The following DCLRE1A variants were observed in gnomAD, a reference collection of about 807,000 sequenced individuals.
DCLRE1A encodes the protein DNA cross-link repair 1A.
A neutral mutation model predicts 91.9 loss-of-function variants in DCLRE1A; 64 were observed. The ratio of observed to expected loss-of-function variants is 0.70; its 90% CI spans 0.57 to 0.86. The LOEUF (loss-of-function observed/expected upper bound fraction) is 0.86. DCLRE1A is among the 40% of genes least tolerant of loss of function. DCLRE1A has a pLI of 0.00. For synonymous variants in DCLRE1A, 416 were observed against 431.1 expected, an observed-to-expected ratio of 0.96 and a Z score of 0.43; for missense variants, 1,145 against 1,213.3, an observed-to-expected ratio of 0.94 and a Z score of 0.84.
chr10:113,852,572 C>A (rs530873756), intron 1 of DCLRE1A, 151 bp downstream of exon 1: 35 of 739,922 alleles, frequency 4.7e-5, no homozygotes, highest in African/African-American at 4.1e-4. Context: ...ATTTGCTTTA[C>A]AATTATACCG....
At chr10:113,848,191 C>T (rs1262456281) in intron 2 of DCLRE1A, among the ~76,000 whole-genome samples, 3 of 151,298 alleles carry the variant, frequency 2.0e-5, no homozygotes, top group Admixed American at 6.6e-5. Flanking sequence ...GTGGCGGGTG[C>T]CTGTAGTCCC....
rs749096753 is a variant in DCLRE1A at position 113,852,722 on chromosome 10, C to T, written c.460+1G>A. Reference sequence around the variant, plus strand: ...AACTACTACGTTTTCTGCAGTCTTACCTGTTTCAGAGCGTGGTGGAGAATC... The same window carrying T: ...AACTACTACGTTTTCTGCAGTCTTATCTGTTTCAGAGCGTGGTGGAGAATC... On this transcript the variant is annotated splice_donor_variant, in intron 1 of 8. Transcript: ENST00000361384. LOFTEE classifies it high-confidence loss of function. The T allele has an allele frequency of 6.2e-6, 10 of 1,611,644 alleles. No homozygotes were observed. In the South Asian group the frequency reaches 9.9e-5, roughly 16 times the overall value.
At chr10:113,836,340 G>A (rs892321308) in intron 8 of DCLRE1A, among the ~76,000 whole-genome samples, 1 of 151,862 alleles carries the variant, frequency 6.6e-6, no homozygotes, top group Non-Finnish European at 1.5e-5. Context: ...TCTTCCTTTA[G>A]ACACTTTACT....
chr10:113,840,605 C>CA (rs1286567524), intron 7 of DCLRE1A, among the ~76,000 whole-genome samples: 1 of 152,192 alleles, frequency 6.6e-6, no homozygotes, highest in Non-Finnish European at 1.5e-5. Flanking sequence ...TGATGGCTAA[C>CA]AGACAAGCAA....
intron 3 of DCLRE1A, among the ~76,000 whole-genome samples, chr10:113,846,846 C>T (rs1035232286): frequency 4.0e-5 from 6 of 151,802 alleles, no homozygotes; most frequent in African/African-American, 1.2e-4. Context: ...TGAATCTTTT[C>T]GGTTGCGGTT....
rs1845375246 is a variant in DCLRE1A at position 113,837,152 on chromosome 10, C to T, written c.2872G>A (p.Ala958Thr). The part of the protein sequence containing the change: ...KCGGKYNQIL[A>T]FRPTGWTHSN... Reference sequence around the variant, plus strand: ...TGTGTCCATCCTGTAGGTCGAAATGCCAAAATCTGATTGTATTTCCCACCA... The same window carrying T: ...TGTGTCCATCCTGTAGGTCGAAATGTCAAAATCTGATTGTATTTCCCACCA... The change falls in exon 8 of 9, where the codon GCA (alanine) becomes ACA (threonine). Residue 958 changes from alanine (A) to threonine (T), a missense_variant. Ala to Thr is a moderately conservative substitution (Grantham distance 58). Coordinates refer to ENST00000361384, the MANE Select transcript of DCLRE1A (RefSeq NM_014881.5). The T allele has an allele frequency of 6.2e-7, 1 of 1,613,140 alleles. No individual in the cohort carries two copies. Among genetic ancestry groups the T allele is most frequent in the South Asian group, 1.1e-5 (1 of 90,920 alleles).
Position 113,849,645 on chromosome 10 carries a change from C to T in DCLRE1A, c.1460G>A (p.Arg487Lys). ...LSSQPTQNTI[R>K]KLSSENLNAK... Reference sequence around the variant, plus strand: ...ATTCAAGTTCTCACTTGATAATTTTCTAATTGTATTTTGGGTTGGTTGGGA... The same window carrying T: ...ATTCAAGTTCTCACTTGATAATTTTTTAATTGTATTTTGGGTTGGTTGGGA... Residue 487 changes from arginine (R) to lysine (K), a missense_variant, in exon 2 of 9, where the codon AGA becomes AAA. Coordinates refer to ENST00000361384, the MANE Select transcript of DCLRE1A (RefSeq NM_014881.5). 1 of 1,614,152 alleles carries T rather than the reference C, an allele frequency of 6.2e-7. No individual in the cohort carries two copies. The highest frequency in any genetic ancestry group is 2.2e-5 in the East Asian group (1 of 44,880).
At chr10:113,837,539 GATA>G (rs1845382438) in intron 7 of DCLRE1A, among the ~76,000 whole-genome samples, 1 of 152,072 alleles carries the variant, frequency 6.6e-6, no homozygotes, top group African/African-American at 2.4e-5. Flanking sequence ...ACTCTACAGA[GATA>G]ATAATATCAA....
intron 2 of DCLRE1A, 27 bp downstream of exon 2, chr10:113,848,953 A>G (rs373646358): frequency 2.5e-6 from 4 of 1,582,204 alleles, no homozygotes; most frequent in African/African-American, 2.7e-5. Context: ...CTTTGTTGAT[A>G]TATCGAGTAT....
At chr10:113,844,360 T>TTTCCTGTAG in intron 4 of DCLRE1A, 116 bp from the exon 5 acceptor site, 1 of 1,336,546 alleles carries the variant, frequency 7.5e-7, no homozygotes, top group Non-Finnish European at 1.0e-6. Context: ...TGACATAGCA[T>TTTCCTGTAG]TGCACTACAG....
At chr10:113,839,861 G>A (rs17235227) in intron 7 of DCLRE1A, among the ~76,000 whole-genome samples, 3,180 of 152,202 alleles carry the variant, frequency 0.021, 118 homozygotes, top group African/African-American at 0.073. Flanking sequence ...CCTAGACGTG[G>A]AAACATACAG....
chr10:113,837,235 T>C (rs1845376874), intron 7 of DCLRE1A, 32 bp from the exon 8 acceptor site: 2 of 1,589,844 alleles, frequency 1.3e-6, no homozygotes, highest in South Asian at 1.2e-5. Context: ...TTGAGGTCAA[T>C]GGAGACGAGT....
chr10:113,843,509 G>A (rs1845479985), intron 5 of DCLRE1A, among the ~76,000 whole-genome samples: 1 of 152,080 alleles, frequency 6.6e-6, no homozygotes, highest in South Asian at 2.1e-4. Context: ...GGTTGAAATG[G>A]TTAAGATAAT....
intron 1 of DCLRE1A, among the ~76,000 whole-genome samples, chr10:113,850,957 T>G (rs1845640264): frequency 6.6e-6 from 1 of 152,260 alleles, no homozygotes; most frequent in Non-Finnish European, 1.5e-5. Context: ...AATTTCCAGA[T>G]TTATCAAAAA....
chr10:113,845,334 G>A (rs1845519162), intron 4 of DCLRE1A, among the ~76,000 whole-genome samples: 1 of 152,160 alleles, frequency 6.6e-6, no homozygotes, highest in African/African-American at 2.4e-5. Context: ...AATACAAGCT[G>A]TTAATTTATG....
Position 113,850,560 on chromosome 10 carries a change from G to A in DCLRE1A, c.545C>T (p.Ala182Val). The change falls in exon 2 of 9, where the codon GCT becomes GTT. Residue 182 changes from alanine to valine, a missense_variant. By Grantham distance (64) the Ala-to-Val change is moderately conservative. Coordinates refer to ENST00000361384, the MANE Select transcript of DCLRE1A (RefSeq NM_014881.5). ...YTHFLLAQSR[A>V]GDHPFSSPSP... ...TGGGCTGCTAAAAGGATGATCACCA[G>A]CCCTGCTTTGAGCTAGCAGGAAGTG... 2 of 1,614,074 alleles carry A rather than the reference G, an allele frequency of 1.2e-6. No homozygotes were observed. The highest frequency in any genetic ancestry group is 1.7e-6 in the Non-Finnish European group (2 of 1,180,016).
Position 113,852,932 on chromosome 10 carries a change from C to G in DCLRE1A, c.251G>C (p.Cys84Ser). ...TTGGGTCTGCTGAATACCATCTCCA[C>G]AACTTGAATTCTGACTAGAAGCAAC... ...TSVASSQNSS[C>S]GDGIQQTQDK... is the part of the protein sequence containing the mutation. The change falls in exon 1 of 9, where the codon TGT (cysteine) becomes TCT (serine). Residue 84 changes from cysteine (C) to serine (S), a missense_variant. By Grantham distance (112) the Cys-to-Ser change is moderately radical. Coordinates refer to ENST00000361384, the MANE Select transcript of DCLRE1A (RefSeq NM_014881.5). 6.2e-7 allele frequency: 1 copy of G among 1,614,172 alleles called. No individual in the cohort carries two copies. The highest frequency in any genetic ancestry group is 1.3e-5 in the African/African-American group (1 of 75,040).
intron 7 of DCLRE1A, among the ~76,000 whole-genome samples, chr10:113,838,295 A>G (rs1308749163): frequency 6.6e-6 from 1 of 152,198 alleles, no homozygotes; most frequent in Non-Finnish European, 1.5e-5. Flanking sequence ...AAAGAAAGAA[A>G]ATAATAAGAA....
At chr10:113,836,100 C>A (rs1845359321) in intron 8 of DCLRE1A, among the ~76,000 whole-genome samples, 1 of 152,072 alleles carries the variant, frequency 6.6e-6, no homozygotes, top group Admixed American at 6.6e-5. Context: ...TTGTAAGTTT[C>A]CTGAGCCCTC....
Sources: allele counts gnomAD v4.1 joint callset (sites outside exome capture counted in the v4.1 genomes callset), GRCh38; gene constraint gnomAD v4.1.1; transcripts MANE v1.5; gene names NCBI Gene and HGNC (gene_info 2026-07-23, HGNC 2026-07-21).